COX7B2: variants seen among roughly 807,000 people sequenced by gnomAD.
The protein encoded by COX7B2 is cytochrome c oxidase subunit 7B2.
For synonymous variants in COX7B2, 37 were observed against 32.1 expected (o/e 1.15, Z -0.51); for missense variants, 109 against 95.9 (o/e 1.14, Z -0.57).
chr4:46,905,793 A>G (rs1055401838), intron 1 of COX7B2, among the ~76,000 whole-genome samples: 2 of 144,796 alleles, frequency 1.4e-5, no homozygotes, highest in South Asian at 2.2e-4. Flanking sequence ...AGAGCCTACC[A>G]TCTCTGATAA....
intron 2 of COX7B2, among the ~76,000 whole-genome samples, chr4:46,841,335 C>CTGTGTGTGTG (rs145768502): frequency 0.047 from 6,567 of 139,804 alleles, 184 homozygotes; most frequent in Admixed American, 0.07. Flanking sequence ...CAAATGTGCT[C>CTGTGTGTGTG]TGTGTGTGTG....
At position 46,734,904 on chromosome 4, in the gene COX7B2, GTTGGTTTTT is replaced by G; in HGVS notation, c.*34_*42del. ...AAGCAGTAGAGTGCTTACATGACAAGTTGGTTTTTTAAACAATTCTGTCATTACAGCAAC... is the reference window on the plus strand; with the variant it reads ...AAGCAGTAGAGTGCTTACATGACAAGTAAACAATTCTGTCATTACAGCAAC... On this transcript the variant is annotated 3_prime_UTR_variant, in exon 3 of 3. Transcript: ENST00000355591. 6.2e-7 allele frequency: 1 copy of G among 1,609,812 alleles called. No homozygotes were observed. The highest frequency in any genetic ancestry group is 8.5e-7 in the Non-Finnish European group (1 of 1,176,436).
chr4:46,747,606 C>T lies in COX7B2; in HGVS notation c.-49-12365G>A, dbSNP rs192874105. Among the ~76,000 whole-genome samples the T allele has an allele frequency of 1.5e-3, 235 of 152,180 alleles. 2 individuals are homozygous for T. Among genetic ancestry groups the T allele is most frequent in the Admixed American group, 5.2e-3 (80 of 15,270 alleles). ...CATGAGCCACTGTGGCTGGCCTTAG[C>T]TCCCACTTATAAGTGGACTTTTCTT... is the stretch of plus-strand genomic sequence containing the variant. On this transcript the variant is annotated intron_variant, in intron 2 of 2. Transcript: ENST00000355591.
chr4:46,900,439 A>C (rs1203111421), intron 1 of COX7B2, among the ~76,000 whole-genome samples: 1 of 152,168 alleles, frequency 6.6e-6, no homozygotes, highest in Non-Finnish European at 1.5e-5. Flanking sequence ...TGGCTTCTTG[A>C]GTAGAACAAC....
intron 2 of COX7B2, among the ~76,000 whole-genome samples, chr4:46,749,364 C>A (rs985226309): frequency 1.3e-5 from 2 of 152,100 alleles, no homozygotes; most frequent in African/African-American, 4.8e-5. Flanking sequence ...ATTTCATATG[C>A]TTTCTTTAAA....
intron 2 of COX7B2, among the ~76,000 whole-genome samples, chr4:46,837,765 G>GGAT (rs1715636081): frequency 6.6e-6 from 1 of 151,724 alleles, no homozygotes; most frequent in Non-Finnish European, 1.5e-5. Flanking sequence ...GAGGTTTTTT[G>GGAT]GTAACATTCT....
chr4:46,828,275 A>G lies in COX7B2; in HGVS notation c.-50+16685T>C, dbSNP rs183463638. 2.0e-5 allele frequency among the ~76,000 whole-genome samples: 3 copies of G among 152,310 alleles called. No homozygotes were observed. In the East Asian group the frequency reaches 5.8e-4, roughly 29 times the overall value. Reference sequence around the variant, plus strand: ...ATACAAGGAACTTCTGAAAAACAAAAAAGAAAAACAGAAAACCCAATAGAA... The same window carrying G: ...ATACAAGGAACTTCTGAAAAACAAAGAAGAAAAACAGAAAACCCAATAGAA... On this transcript the variant is annotated intron_variant, in intron 2 of 2. Transcript: ENST00000355591.
chr4:46,779,933 A>T (rs1210998304), intron 2 of COX7B2, among the ~76,000 whole-genome samples: 1 of 152,200 alleles, frequency 6.6e-6, no homozygotes, highest in Non-Finnish European at 1.5e-5. Flanking sequence ...GAATAATATT[A>T]TATGGTATAG....
chr4:46,787,887 AC>A (rs1717835382), intron 2 of COX7B2, among the ~76,000 whole-genome samples: 1 of 151,988 alleles, frequency 6.6e-6, no homozygotes, highest in African/African-American at 2.4e-5. Context: ...ATTGTTGACC[AC>A]CCATGTCATC....
At chr4:46,884,049 G>A (rs1718915792) in intron 1 of COX7B2, among the ~76,000 whole-genome samples, 1 of 151,846 alleles carries the variant, frequency 6.6e-6, no homozygotes, top group Non-Finnish European at 1.5e-5. Context: ...ATAATATCCT[G>A]TCTTCAATTA....
intron 2 of COX7B2, among the ~76,000 whole-genome samples, chr4:46,768,503 A>G (rs1050966824): frequency 1.3e-5 from 2 of 152,138 alleles, no homozygotes; most frequent in African/African-American, 4.8e-5. Context: ...TGGTGGGAAA[A>G]TGGAGATGTG....
chr4:46,762,252 T>A (rs1165536148), intron 2 of COX7B2, among the ~76,000 whole-genome samples: 3 of 137,514 alleles, frequency 2.2e-5, no homozygotes, highest in South Asian at 2.1e-4. Context: ...ATTATATATT[T>A]AATATATAAT....
intron 1 of COX7B2, among the ~76,000 whole-genome samples, chr4:46,887,734 G>C (rs1339404900): frequency 1.4e-5 from 2 of 146,600 alleles, no homozygotes; most frequent in Admixed American, 1.4e-4. Context: ...AAAAAAAAAG[G>C]AAGTATCCTA....
At chr4:46,848,935 T>C (rs1437663642) in intron 1 of COX7B2, among the ~76,000 whole-genome samples, 1 of 152,168 alleles carries the variant, frequency 6.6e-6, no homozygotes, top group East Asian at 1.9e-4. Flanking sequence ...TGCTCCTGTA[T>C]ACTTTAAATC....
At chr4:46,854,676 T>A (rs1716899260) in intron 1 of COX7B2, among the ~76,000 whole-genome samples, 1 of 152,172 alleles carries the variant, frequency 6.6e-6, no homozygotes, top group East Asian at 1.9e-4. Context: ...TGGCAGCATG[T>A]ATCAAAAGAT....
intron 1 of COX7B2, among the ~76,000 whole-genome samples, chr4:46,861,030 G>A (rs1043129245): frequency 1.2e-4 from 18 of 152,128 alleles, no homozygotes; most frequent in African/African-American, 4.3e-4. Flanking sequence ...ATGCTCTGGC[G>A]TTTTCAGCAT....
intron 2 of COX7B2, among the ~76,000 whole-genome samples, chr4:46,815,336 T>C (rs1177315927): frequency 6.6e-6 from 1 of 152,206 alleles, no homozygotes; most frequent in Admixed American, 6.5e-5. Context: ...AAACTATAGG[T>C]TCAATAAATT....
At position 46,850,611 on chromosome 4, in the gene COX7B2, A is replaced by C. The variant is rs557330583; in HGVS notation, c.-104-5597T>G. Among the ~76,000 whole-genome samples the C allele has an allele frequency of 2.6e-5, 4 of 152,248 alleles. No homozygotes were observed. In the South Asian group the frequency reaches 8.3e-4, roughly 32 times the overall value. ...ATAAAGTGCCACATGAAGTTACATGAGTGAACACATTGTTAGCCTGTAAAG... is the reference window on the plus strand; with the variant it reads ...ATAAAGTGCCACATGAAGTTACATGCGTGAACACATTGTTAGCCTGTAAAG... On this transcript the variant is annotated intron_variant, in intron 1 of 2. Transcript: ENST00000355591.
At chr4:46,809,639 G>A (rs1018375406) in intron 2 of COX7B2, among the ~76,000 whole-genome samples, 7 of 151,700 alleles carry the variant, frequency 4.6e-5, no homozygotes, top group Admixed American at 1.3e-4. Flanking sequence ...ATACTCAATA[G>A]GACTTAAATA....
Sources: gnomAD v4.1 joint callset for allele counts (sites outside exome capture counted in the v4.1 genomes callset) on GRCh38, gnomAD v4.1.1 for gene constraint, MANE v1.5 for transcripts, NCBI Gene and HGNC (gene_info 2026-07-23, HGNC 2026-07-21) for gene names.